EVL: variants seen among roughly 807,000 people sequenced by gnomAD.
The protein encoded by EVL is ena/VASP-like protein.
In EVL, 21 loss-of-function variants were observed where a neutral mutation model predicts 59.6. The observed-to-expected ratio is 0.35, with a 90% CI of 0.25 to 0.51. The LOEUF is 0.51. Among genes scored for constraint, EVL ranks in the 20% least tolerant of loss-of-function variants. The pLI is 0.97. For synonymous variants in EVL, 198 were observed against 203.5 expected, an observed-to-expected ratio of 0.97 and a Z score of 0.23; for missense variants, 462 against 546.6, an observed-to-expected ratio of 0.85 and a Z score of 1.54.
Position 100,092,322 on chromosome 14 carries a change from A to G in EVL, c.181-5159A>G, listed in dbSNP as rs560012633. ...CAAGTACATATGTCCACTAAAATAT[A>G]TGTATGAAAATGTTCATAACAGTTG... is the stretch of plus-strand genomic sequence containing the variant. On this transcript the variant is annotated intron_variant, in intron 2 of 13. Coordinates refer to ENST00000392920, the MANE Select transcript of EVL (RefSeq NM_016337.3). Among the ~76,000 whole-genome samples, 489 of 152,320 alleles carry G rather than the reference A, an allele frequency of 3.2e-3. 2 individuals are homozygous for G. The highest frequency in any genetic ancestry group is 0.012 in the African/African-American group (484 of 41,576).
intron 2 of EVL, among the ~76,000 whole-genome samples, chr14:100,095,493 T>TA (rs773091961): frequency 6.6e-6 from 1 of 152,240 alleles, no homozygotes; most frequent in Non-Finnish European, 1.5e-5. Context: ...AGTTATTAGT[T>TA]ACTAGTTATT....
At chr14:100,076,411 A>G (rs1463877598) in intron 1 of EVL, among the ~76,000 whole-genome samples, 2 of 152,312 alleles carry the variant, frequency 1.3e-5, no homozygotes, top group East Asian at 1.9e-4. Context: ...TCCTCACTCT[A>G]CATAGGGAGA....
chr14:100,075,738 G>A (rs2062147131), intron 1 of EVL, among the ~76,000 whole-genome samples: 1 of 152,202 alleles, frequency 6.6e-6, no homozygotes, highest in Non-Finnish European at 1.5e-5. Flanking sequence ...GCACCTTGGG[G>A]TGGGGTTTGG....
At position 100,128,583 on chromosome 14, in the gene EVL, T is replaced by TGCCCC; in HGVS notation, c.552_553insGCCCC (p.Pro185AlafsTer47). The TGCCCC allele has an allele frequency of 6.3e-7, 1 of 1,579,736 alleles. No homozygotes were observed. The highest frequency in any genetic ancestry group is 8.7e-7 in the Non-Finnish European group (1 of 1,155,628). Reference sequence around the variant, plus strand: ...GCGCCCCCGTCTCATGTAGTGGGCCTCCACCGCCCCCCCCACCCCCAGTCC... The same window carrying TGCCCC: ...GCGCCCCCGTCTCATGTAGTGGGCCTGCCCCCCACCGCCCCCCCCACCCCCAGTCC... On this transcript the variant is annotated frameshift_variant, in exon 6 of 14. Transcript: ENST00000392920. LOFTEE classifies it high-confidence loss of function.
chr14:100,124,240 T>C (rs1352209694), intron 4 of EVL, among the ~76,000 whole-genome samples: 4 of 152,174 alleles, frequency 2.6e-5, no homozygotes, highest in Non-Finnish European at 5.9e-5. Flanking sequence ...GCCCGGGCCT[T>C]CCTCACTCAG....
chr14:100,097,425 C>G, intron 2 of EVL, 56 bp from the exon 3 acceptor site: 1 of 1,508,536 alleles, frequency 6.6e-7, no homozygotes, highest in Non-Finnish European at 9.0e-7. Context: ...GCAGCGCCCT[C>G]GAGCTCACTT....
chr14:100,068,398 C>T (rs1224120366), intron 1 of EVL, among the ~76,000 whole-genome samples: 17 of 152,026 alleles, frequency 1.1e-4, no homozygotes, highest in Admixed American at 1.1e-3. Flanking sequence ...GAATTTAGCG[C>T]GTATGTCAGA....
chr14:100,084,207 G>A (rs1003609361), intron 1 of EVL, among the ~76,000 whole-genome samples: 3 of 151,856 alleles, frequency 2.0e-5, no homozygotes, highest in Non-Finnish European at 2.9e-5. Context: ...ATGTGCCACC[G>A]TGCCTGGCTA....
intron 1 of EVL, among the ~76,000 whole-genome samples, chr14:100,075,496 A>G (rs910490904): frequency 6.6e-6 from 1 of 152,126 alleles, no homozygotes. Context: ...GGGAACATTT[A>G]TTTATGGCCA....
chr14:100,134,258 G>A (rs1170899998), intron 8 of EVL, among the ~76,000 whole-genome samples: 1 of 152,148 alleles, frequency 6.6e-6, no homozygotes, highest in African/African-American at 2.4e-5. Context: ...CACAGCCCTG[G>A]GGATCTGAAG....
At chr14:100,136,386 A>T (rs1888788383) in intron 9 of EVL, among the ~76,000 whole-genome samples, 1 of 152,210 alleles carries the variant, frequency 6.6e-6, no homozygotes, top group South Asian at 2.1e-4. Context: ...CATTACAGAG[A>T]TGGCAGTAGA....
chr14:100,020,555 C>G (rs1186400582), intron 1 of EVL, among the ~76,000 whole-genome samples: 1 of 152,136 alleles, frequency 6.6e-6, no homozygotes, highest in African/African-American at 2.4e-5. Context: ...TAGAACTGAG[C>G]ATAAATTCCA....
chr14:100,111,167 T>C (rs1886959207), intron 3 of EVL, among the ~76,000 whole-genome samples: 1 of 148,056 alleles, frequency 6.8e-6, no homozygotes, highest in South Asian at 2.2e-4. Context: ...TTTTTTTTTT[T>C]TTTTTTGTGA....
chr14:100,140,616 GA>G (rs1200647950), intron 11 of EVL: 40 of 142,788 alleles, frequency 2.8e-4, no homozygotes, highest in Non-Finnish European at 2.6e-4. Context: ...AACTCTGTCT[GA>G]AAAAAAAAAA....
chr14:100,042,736 G>C (rs539538031), intron 1 of EVL, among the ~76,000 whole-genome samples: 1 of 152,196 alleles, frequency 6.6e-6, no homozygotes, highest in Non-Finnish European at 1.5e-5. Flanking sequence ...AAGCTACAAC[G>C]TTTGTGGAGG....
chr14:100,023,650 C>T (rs957161062), intron 1 of EVL, among the ~76,000 whole-genome samples: 9 of 151,574 alleles, frequency 5.9e-5, no homozygotes, highest in African/African-American at 2.2e-4. Context: ...TTTGTAGAGA[C>T]GGGGTTCAAC....
chr14:99,993,622 G>T (rs1377981065), intron 1 of EVL, among the ~76,000 whole-genome samples: 1 of 147,380 alleles, frequency 6.8e-6, no homozygotes. Context: ...TTGTTGAGAG[G>T]TTTTTGATTA....
intron 1 of EVL, among the ~76,000 whole-genome samples, chr14:100,018,790 TTTTCCTTC>T (rs1389369355): frequency 6.6e-6 from 1 of 152,224 alleles, no homozygotes. Flanking sequence ...ATGCTGAAGA[TTTTCCTTC>T]ATGGCGAGTC....
intron 1 of EVL, among the ~76,000 whole-genome samples, chr14:100,023,156 C>T (rs2140205454): frequency 6.6e-6 from 1 of 151,604 alleles, no homozygotes; most frequent in African/African-American, 2.4e-5. Flanking sequence ...GCTGTTCTAG[C>T]TGGCTCTTGG....
Sources: allele counts gnomAD v4.1 joint callset (sites outside exome capture counted in the v4.1 genomes callset), GRCh38; gene constraint gnomAD v4.1.1; transcripts MANE v1.5; gene names NCBI Gene and HGNC (gene_info 2026-07-23, HGNC 2026-07-21).